PI4KA: variants seen among roughly 807,000 people sequenced by gnomAD.
PI4KA encodes the protein phosphatidylinositol 4-kinase alpha.
PI4KA carries 122 observed loss-of-function variants against 271.4 expected under a neutral mutation model. The ratio of observed to expected loss-of-function variants is 0.45; its 90% confidence interval spans 0.39 to 0.52. The LOEUF (loss-of-function observed/expected upper bound fraction) is 0.52. PI4KA is among the 20% of genes least tolerant of loss of function. The pLI is 0.00. For missense variants in PI4KA, 1,969 were observed against 2,769.1 expected (o/e 0.71, Z 6.48); for synonymous variants, 1,041 against 1,078.8 (o/e 0.96, Z 0.69).
intron 19 of PI4KA, among the ~76,000 whole-genome samples, chr22:20,775,842 T>C (rs916189266): frequency 6.6e-6 from 1 of 152,114 alleles, no homozygotes; most frequent in African/African-American, 2.4e-5. Context: ...AGGAGGACAC[T>C]TGAAGTGTAG....
chr22:20,737,980 T>C (rs1928940120), intron 32 of PI4KA, among the ~76,000 whole-genome samples: 1 of 152,118 alleles, frequency 6.6e-6, no homozygotes, highest in Admixed American at 6.5e-5. Context: ...TGAAGCAGCA[T>C]ATGGAAAGGA....
chr22:20,760,678 T>G (rs1931870158), intron 23 of PI4KA, among the ~76,000 whole-genome samples: 2 of 152,166 alleles, frequency 1.3e-5, no homozygotes, highest in Non-Finnish European at 2.9e-5. Context: ...TCTCTCCTTT[T>G]TATTCTTATC....
intron 1 of PI4KA, among the ~76,000 whole-genome samples, chr22:20,855,152 A>G (rs1194609232): frequency 3.0e-5 from 1 of 33,604 alleles, no homozygotes; most frequent in Non-Finnish European, 5.1e-5. Context: ...AACTGTCTCA[A>G]AAAAAAAAAA....
chr22:20,853,154 T>C (rs1440094363), intron 1 of PI4KA, among the ~76,000 whole-genome samples: 1 of 152,126 alleles, frequency 6.6e-6, no homozygotes. Flanking sequence ...AAAGAGAACA[T>C]TTTAGGACAT....
chr22:20,772,776 TA>T (rs1932937783), intron 19 of PI4KA, among the ~76,000 whole-genome samples: 1 of 152,154 alleles, frequency 6.6e-6, no homozygotes, highest in African/African-American at 2.4e-5. Flanking sequence ...TCATAAAATT[TA>T]AAACACAAAT....
At chr22:20,721,022 T>C (rs576588365) in intron 43 of PI4KA, among the ~76,000 whole-genome samples, 5 of 152,290 alleles carry the variant, frequency 3.3e-5, no homozygotes, top group South Asian at 2.1e-4. Context: ...GTGTTGACCA[T>C]GGAGACTCTG....
chr22:20,765,248 T>C lies in PI4KA; in HGVS notation c.2438-12A>G. 6 of 1,590,804 alleles carry C rather than the reference T, an allele frequency of 3.8e-6. No individual in the cohort carries two copies. Among genetic ancestry groups the C allele is most frequent in the Non-Finnish European group, 5.1e-6 (6 of 1,166,208 alleles). Reference sequence around the variant, plus strand: ...TTCTGGCCAGAGTCCTGCAATAAAGTGAACATAAATGAGGAAATCACCTTG... The same window carrying C: ...TTCTGGCCAGAGTCCTGCAATAAAGCGAACATAAATGAGGAAATCACCTTG... On this transcript the variant is annotated splice_polypyrimidine_tract_variant and intron_variant, in intron 20 of 54. Transcript: ENST00000255882.
chr22:20,762,255 AGCCTCAGGAGG>A (rs1932044655), intron 22 of PI4KA, among the ~76,000 whole-genome samples: 1 of 152,182 alleles, frequency 6.6e-6, no homozygotes, highest in South Asian at 2.1e-4. Context: ...TCAAGAGTTA[AGCCTCAGGAGG>A]GCAGGCCAGG....
chr22:20,816,519 A>C (rs1375395655), intron 7 of PI4KA, among the ~76,000 whole-genome samples: 1 of 152,146 alleles, frequency 6.6e-6, no homozygotes, highest in Non-Finnish European at 1.5e-5. Flanking sequence ...GAAAAGTCTT[A>C]GTATGTGGTG....
Position 20,763,026 on chromosome 22 carries a change from G to GC in PI4KA, c.2709-1641_2709-1640insG, listed in dbSNP as rs1555888580. ...TTTTTGCTTTTTTTTTTGGGGGGGGGGGGGGTTAGAGACAAGTTCTTGCTC... is the reference window on the plus strand; with the variant it reads ...TTTTTGCTTTTTTTTTTGGGGGGGGGCGGGGGTTAGAGACAAGTTCTTGCTC... On this transcript the variant is annotated intron_variant, in intron 22 of 54. Coordinates refer to ENST00000255882, the MANE Select transcript of PI4KA (RefSeq NM_058004.4). 1.8e-4 allele frequency among the ~76,000 whole-genome samples: 12 copies of GC among 68,492 alleles called. 4 individuals are homozygous for GC. The highest frequency in any genetic ancestry group is 9.1e-4 in the African/African-American group (10 of 11,044). 44.9% of individuals were successfully genotyped at this position (68,492 alleles called of 152,430 possible). A position where few individuals can be genotyped will look rare whatever the true frequency, so the allele number is the denominator to read the frequency against.
intron 1 of PI4KA, among the ~76,000 whole-genome samples, chr22:20,852,613 T>C (rs1927125474): frequency 6.6e-6 from 1 of 152,220 alleles, no homozygotes; most frequent in South Asian, 2.1e-4. Flanking sequence ...ACAATGATTC[T>C]GGCACCGCGT....
chr22:20,769,432 G>A (rs1222440118), intron 19 of PI4KA, among the ~76,000 whole-genome samples: 1 of 152,168 alleles, frequency 6.6e-6, no homozygotes. Flanking sequence ...CACTTTGGGA[G>A]GCCAAGACAG....
At chr22:20,770,128 A>G (rs1218562570) in intron 19 of PI4KA, among the ~76,000 whole-genome samples, 1 of 151,808 alleles carries the variant, frequency 6.6e-6, no homozygotes, top group Non-Finnish European at 1.5e-5. Context: ...CTCACTGTAC[A>G]TACTCAAGTG....
At chr22:20,776,148 C>G (rs1178065312) in intron 19 of PI4KA, among the ~76,000 whole-genome samples, 1 of 152,012 alleles carries the variant, frequency 6.6e-6, no homozygotes, top group African/African-American at 2.4e-5. Flanking sequence ...ATGGTAAAAC[C>G]CCATCTTTAC....
intron 16 of PI4KA, 140 bp from the exon 17 acceptor site, chr22:20,798,827 G>A (rs1268490709): frequency 1.5e-6 from 1 of 666,084 alleles, no homozygotes; most frequent in Admixed American, 2.8e-5. Context: ...CATTTCTAAA[G>A]CTTTAATCAA....
intron 9 of PI4KA, among the ~76,000 whole-genome samples, chr22:20,809,272 C>T (rs1481353618): frequency 6.6e-6 from 1 of 152,090 alleles, no homozygotes. Context: ...AGCTAAGCCT[C>T]AGTTTCCCCA....
At chr22:20,803,758 T>C (rs1412666513) in intron 12 of PI4KA, among the ~76,000 whole-genome samples, 1 of 152,172 alleles carries the variant, frequency 6.6e-6, no homozygotes, top group Non-Finnish European at 1.5e-5. Flanking sequence ...GCTCAAGCGA[T>C]CCTCCCACCT....
At position 20,733,732 on chromosome 22, in the gene PI4KA, G is replaced by A. The variant is rs748061702; in HGVS notation, c.4160+4C>T. The stretch of plus-strand genomic sequence containing the variant: ...ACGCTGCACAGCACATCTTGGGGGA[G>A]TACCTGAAGTAGTCAAAGGCAGTGG... On this transcript the variant is annotated splice_donor_region_variant and intron_variant, in intron 35 of 54. Transcript: ENST00000255882. 1.2e-6 allele frequency: 2 copies of A among 1,613,860 alleles called. No individual in the cohort carries two copies. Among genetic ancestry groups the A allele is most frequent in the South Asian group, 1.1e-5 (1 of 91,066 alleles).
intron 1 of PI4KA, among the ~76,000 whole-genome samples, chr22:20,842,975 A>G (rs1415047671): frequency 6.6e-6 from 1 of 151,766 alleles, no homozygotes; most frequent in Non-Finnish European, 1.5e-5. Context: ...GCATGCGTCT[A>G]TAGTCCCAGC....
Sources: gnomAD v4.1 joint callset for allele counts (sites outside exome capture counted in the v4.1 genomes callset) on GRCh38, gnomAD v4.1.1 for gene constraint, MANE v1.5 for transcripts, NCBI Gene and HGNC (gene_info 2026-07-23, HGNC 2026-07-21) for gene names.